EPN2: variants seen among roughly 807,000 people sequenced by gnomAD.
The protein encoded by EPN2 is epsin-2.
EPN2 carries 34 observed loss-of-function variants against 61.7 expected under a neutral mutation model. The observed-to-expected ratio is 0.55, with a 90% confidence interval of 0.42 to 0.73. The LOEUF (loss-of-function observed/expected upper bound fraction) is 0.73. Among genes scored for constraint, EPN2 ranks in the 30% least tolerant of loss-of-function variants. The pLI is 0.00. For synonymous variants in EPN2, 349 were observed against 353.6 expected (o/e 0.99, Z 0.15); for missense variants, 714 against 839.2 (o/e 0.85, Z 1.84).
intron 7 of EPN2, among the ~76,000 whole-genome samples, chr17:19,325,768 G>C (rs981243598): frequency 2.0e-5 from 3 of 152,160 alleles, no homozygotes; most frequent in Non-Finnish European, 4.4e-5. Context: ...TAAAGGACTA[G>C]AAAGAAGACA....
chr17:19,253,314 G>T (rs1026241813), intron 1 of EPN2, among the ~76,000 whole-genome samples: 1 of 151,194 alleles, frequency 6.6e-6, no homozygotes, highest in Non-Finnish European at 1.5e-5. Context: ...TCCTTTTTAT[G>T]ACCAAATAAT....
chr17:19,294,115 T>C (rs1249811055), intron 4 of EPN2, among the ~76,000 whole-genome samples: 1 of 151,486 alleles, frequency 6.6e-6, no homozygotes, highest in Non-Finnish European at 1.5e-5. Context: ...GAAACAGTGC[T>C]ATCAAAATTG....
rs573595498 is a variant in EPN2, at chr17:19,283,946, C to T, written c.595+232C>T. ...GTTCAGGGATCTCTAACGCCCTTTG[C>T]TGCTCTGGGCCTCATTCTGTACATC... On this transcript the variant is annotated intron_variant, in intron 3 of 10. Coordinates refer to ENST00000314728, the MANE Select transcript of EPN2 (RefSeq NM_014964.5). This position sits in a 1 kb window ranked among gnomAD's most constrained non-coding sequence, Gnocchi z 7.0. 6.6e-6 allele frequency among the ~76,000 whole-genome samples: 1 copy of T among 152,312 alleles called. No homozygotes were observed. Among genetic ancestry groups the T allele is most frequent in the African/African-American group, 2.4e-5 (1 of 41,560 alleles).
intron 1 of EPN2, among the ~76,000 whole-genome samples, chr17:19,246,331 T>C (rs1279435360): frequency 6.6e-6 from 1 of 152,154 alleles, no homozygotes; most frequent in Non-Finnish European, 1.5e-5. Flanking sequence ...CACTCCAGCC[T>C]GGCGACAGAG....
intron 1 of EPN2, among the ~76,000 whole-genome samples, chr17:19,250,098 T>G (rs2044997832): frequency 6.7e-6 from 1 of 149,158 alleles, no homozygotes; most frequent in African/African-American, 2.5e-5. Context: ...GAAACTGAAT[T>G]TTTTTTTTTT....
intron 1 of EPN2, among the ~76,000 whole-genome samples, chr17:19,273,535 C>A (rs1435367381): frequency 1.3e-5 from 2 of 151,730 alleles, no homozygotes; most frequent in Non-Finnish European, 2.9e-5. Context: ...AAAAAAAAAA[C>A]TATTCATTTT....
chr17:19,266,596 G>GTT (rs2045200857), intron 1 of EPN2, among the ~76,000 whole-genome samples: 1 of 151,756 alleles, frequency 6.6e-6, no homozygotes, highest in African/African-American at 2.4e-5. Context: ...TAGAGGTGGG[G>GTT]TTTCACTGTG....
intron 4 of EPN2, among the ~76,000 whole-genome samples, chr17:19,304,757 C>T (rs1350895577): frequency 6.6e-6 from 1 of 152,238 alleles, no homozygotes; most frequent in African/African-American, 2.4e-5. Flanking sequence ...CACATGGACT[C>T]CCACTGCTTG....
intron 7 of EPN2, among the ~76,000 whole-genome samples, chr17:19,328,163 T>C (rs1906982242): frequency 6.6e-6 from 1 of 152,236 alleles, no homozygotes; most frequent in African/African-American, 2.4e-5. Flanking sequence ...GGGTGGTAAG[T>C]ATGTAGCTGT....
chr17:19,304,135 C>T (rs1003921203), intron 4 of EPN2, among the ~76,000 whole-genome samples: 1 of 151,784 alleles, frequency 6.6e-6, no homozygotes, highest in Admixed American at 6.6e-5. Flanking sequence ...CTGGTGTAAT[C>T]TGAACTTAAC....
intron 7 of EPN2, among the ~76,000 whole-genome samples, chr17:19,327,731 G>A (rs1906949651): frequency 6.6e-6 from 1 of 152,120 alleles, no homozygotes; most frequent in Non-Finnish European, 1.5e-5. Context: ...ATATATATGT[G>A]TGTGTGTATT....
rs775607825 is a variant in EPN2 at position 19,335,825 on chromosome 17, TA to T, written c.*1575del. On this transcript the variant is annotated 3_prime_UTR_variant, in exon 11 of 11. Coordinates refer to ENST00000314728, the MANE Select transcript of EPN2 (RefSeq NM_014964.5). Reference sequence around the variant, plus strand: ...ACTGTCCTCACCTCACCCACCACTGTAAAAGTATTACGTCGTGCATTAAAGA... The same window carrying T: ...ACTGTCCTCACCTCACCCACCACTGTAAAGTATTACGTCGTGCATTAAAGA... The T allele has an allele frequency of 1.1e-5, 2 of 186,572 alleles. No homozygotes were observed. Among genetic ancestry groups the T allele is most frequent in the Non-Finnish European group, 2.2e-5 (2 of 90,992 alleles). 11.6% of individuals were successfully genotyped at this position (186,572 alleles called of 1,614,324 possible). A position where few individuals can be genotyped will look rare whatever the true frequency, so the allele number is the denominator to read the frequency against.
chr17:19,283,408 C>T lies in EPN2; in HGVS notation c.289C>T (p.Arg97Trp), dbSNP rs531286035. 1.9e-5 allele frequency: 31 copies of T among 1,614,148 alleles called. No individual in the cohort carries two copies. The highest frequency in any genetic ancestry group is 1.5e-4 in the South Asian group (14 of 91,076). ...TGSERVAQQCRENIFAIQTLK... is the reference protein window; with the variant it reads ...TGSERVAQQCWENIFAIQTLK... ...CTCCGAACGTGTGGCCCAGCAGTGCCGGGAGAACATCTTCGCCATCCAGAC... is the reference window on the plus strand; with the variant it reads ...CTCCGAACGTGTGGCCCAGCAGTGCTGGGAGAACATCTTCGCCATCCAGAC... Residue 97 changes from arginine (R) to tryptophan (W), a missense_variant, in exon 3 of 11, where the codon CGG (arginine) becomes TGG (tryptophan). Arg to Trp is a moderately radical substitution (Grantham distance 101, BLOSUM62 -3). Coordinates refer to ENST00000314728, the MANE Select transcript of EPN2 (RefSeq NM_014964.5). This position sits in a 1 kb window ranked among gnomAD's most constrained non-coding sequence, Gnocchi z 7.0.
chr17:19,319,025 C>T (rs575581121), intron 7 of EPN2, among the ~76,000 whole-genome samples: 1 of 151,974 alleles, frequency 6.6e-6, no homozygotes, highest in South Asian at 2.1e-4. Flanking sequence ...GGTGAAACCC[C>T]GTCTCTACTA....
chr17:19,257,171 C>T (rs748470039), intron 1 of EPN2, among the ~76,000 whole-genome samples: 1 of 151,942 alleles, frequency 6.6e-6, no homozygotes. Flanking sequence ...AAAAAACCCC[C>T]TAGATTTTCA....
At chr17:19,238,442 C>T (rs988887706) in intron 1 of EPN2, among the ~76,000 whole-genome samples, 1 of 152,162 alleles carries the variant, frequency 6.6e-6, no homozygotes, top group Non-Finnish European at 1.5e-5. Flanking sequence ...CCCTGTGAAT[C>T]CCCCCGCCGG....
chr17:19,266,000 G>C (rs1327410622), intron 1 of EPN2, among the ~76,000 whole-genome samples: 1 of 152,082 alleles, frequency 6.6e-6, no homozygotes, highest in Admixed American at 6.6e-5. Context: ...GCTGGATTCA[G>C]GCTCTGGACT....
chr17:19,332,180 T>C, intron 10 of EPN2, 112 bp downstream of exon 10: 1 of 803,228 alleles, frequency 1.2e-6, no homozygotes, highest in East Asian at 2.6e-5. Context: ...TGGGACTAGC[T>C]GGAATCTCTA....
At chr17:19,243,890 A>G (rs1180762999) in intron 1 of EPN2, among the ~76,000 whole-genome samples, 2 of 152,130 alleles carry the variant, frequency 1.3e-5, no homozygotes, top group Admixed American at 6.6e-5. Flanking sequence ...CTGCCAGTCT[A>G]GGGACCAAAT....
Sources: gnomAD v4.1 joint callset for allele counts (sites outside exome capture counted in the v4.1 genomes callset) on GRCh38, gnomAD v4.1.1 for gene constraint, Gnocchi (gnomAD v3.1) non-coding constraint, MANE v1.5 for transcripts, NCBI Gene and HGNC (gene_info 2026-07-23, HGNC 2026-07-21) for gene names.